SAMD8: variants seen among roughly 807,000 people sequenced by gnomAD.
SAMD8 encodes the protein sphingomyelin synthase-related protein 1.
A neutral mutation model predicts 42.0 loss-of-function variants in SAMD8; 20 were observed. That is an observed-to-expected ratio of 0.48 (90% CI 0.34 to 0.69). The LOEUF (loss-of-function observed/expected upper bound fraction) is 0.69. Ranked by LOEUF, SAMD8 falls within the 30% of genes least tolerant of loss-of-function variation. The pLI is 0.01. For synonymous variants in SAMD8, 162 were observed against 173.0 expected (o/e 0.94, Z 0.50); for missense variants, 328 against 511.6 (o/e 0.64, Z 3.46).
chr10:75,157,802 T>C (rs935516956), intron 2 of SAMD8, among the ~76,000 whole-genome samples: 8 of 152,074 alleles, frequency 5.3e-5, no homozygotes, highest in African/African-American at 1.7e-4. Context: ...TGCTAGGCAG[T>C]ACAATGAAGG....
At chr10:75,146,895 G>A (rs972537485) in intron 1 of SAMD8, among the ~76,000 whole-genome samples, 1 of 152,072 alleles carries the variant, frequency 6.6e-6, no homozygotes, top group Non-Finnish European at 1.5e-5. Context: ...CTTTCACAGG[G>A]TTAGCTAAGT....
intron 1 of SAMD8, among the ~76,000 whole-genome samples, chr10:75,139,382 C>T (rs970294613): frequency 1.3e-5 from 2 of 152,040 alleles, no homozygotes; most frequent in African/African-American, 4.8e-5. Flanking sequence ...TATTCCACTT[C>T]TAGAAATTTA....
chr10:75,153,455 A>C (rs60178694), intron 2 of SAMD8, among the ~76,000 whole-genome samples: 27,765 of 151,528 alleles, frequency 0.18, 2,795 homozygotes, highest in East Asian at 0.26. Context: ...TACTAAAAAT[A>C]CAAAAACTAG....
At chr10:75,104,725 TCA>T (rs1848387982) in intron 1 of SAMD8, among the ~76,000 whole-genome samples, 1 of 152,160 alleles carries the variant, frequency 6.6e-6, no homozygotes, top group Non-Finnish European at 1.5e-5. Flanking sequence ...AAGTTTCTTA[TCA>T]CAGTCACCCC....
At chr10:75,143,115 T>G (rs1840059464) in intron 1 of SAMD8, among the ~76,000 whole-genome samples, 1 of 152,160 alleles carries the variant, frequency 6.6e-6, no homozygotes, top group African/African-American at 2.4e-5. Context: ...AAGACCAGCC[T>G]GGCCAACATG....
In SAMD8 at chr10:75,162,350, CTG is replaced by C. The variant is rs1306080905; in HGVS notation, c.579-2291_579-2290del. On this transcript the variant is annotated intron_variant, in intron 2 of 5. Coordinates refer to ENST00000542569, the MANE Select transcript of SAMD8 (RefSeq NM_001174156.2). ...CTCCAGCCTGGGCGACAAAGCGAGA[CTG>C]TGTTTCAAAAAAGTGAGGCTGGGCA... Among the ~76,000 whole-genome samples, 16 of 148,084 alleles carry C rather than the reference CTG, an allele frequency of 1.1e-4. No homozygotes were observed. The East Asian group carries it at 3.1e-3, about 28-fold the overall frequency.
At chr10:75,167,478 G>C (rs1258643090) in intron 3 of SAMD8, among the ~76,000 whole-genome samples, 1 of 152,006 alleles carries the variant, frequency 6.6e-6, no homozygotes, top group Non-Finnish European at 1.5e-5. Flanking sequence ...TTCCTGCCTT[G>C]GTCTCCCAAA....
chr10:75,167,344 C>T (rs2132204332), intron 3 of SAMD8, among the ~76,000 whole-genome samples: 1 of 152,216 alleles, frequency 6.6e-6, no homozygotes, highest in Non-Finnish European at 1.5e-5. Flanking sequence ...GCATCCTTGA[C>T]CTCCTAGGCT....
chr10:75,152,756 C>T (rs550813208), intron 2 of SAMD8, among the ~76,000 whole-genome samples: 1 of 151,974 alleles, frequency 6.6e-6, no homozygotes, highest in East Asian at 1.9e-4. Flanking sequence ...GTCCTAACTA[C>T]TCAGGAGGCC....
chr10:75,152,709 A>G lies in SAMD8; in HGVS notation c.578+1603A>G, dbSNP rs532315655. On this transcript the variant is annotated intron_variant, in intron 2 of 5. Coordinates refer to ENST00000542569, the MANE Select transcript of SAMD8 (RefSeq NM_001174156.2). ...AGCAAGACCCCCATCTCTCCAAAAA[A>G]TTAAAAATTAGCCAAGCATGATGGC... Among the ~76,000 whole-genome samples the G allele has an allele frequency of 1.4e-4, 22 of 151,896 alleles. 1 individual carries two copies. In the South Asian group the frequency reaches 4.4e-3, roughly 30 times the overall value.
chr10:75,148,998 TTTTC>T, intron 1 of SAMD8, among the ~76,000 whole-genome samples: 1 of 152,268 alleles, frequency 6.6e-6, no homozygotes, highest in Non-Finnish European at 1.5e-5. Context: ...TTAGAACAGT[TTTTC>T]TTTTTTTCAA....
At position 75,181,564 on chromosome 10, in the gene SAMD8, T is replaced by A. The variant is rs1469339803; in HGVS notation, c.*4872T>A. On this transcript the variant is annotated 3_prime_UTR_variant, in exon 6 of 6. Coordinates refer to ENST00000542569, the MANE Select transcript of SAMD8 (RefSeq NM_001174156.2). ...CTGGTTTTTATAATACATTCTACCC[T>A]AAATTAACCAAAGGACTTTTTATTC... is the stretch of plus-strand genomic sequence containing the variant. 1 of 152,234 alleles carries A rather than the reference T, an allele frequency of 6.6e-6. No homozygotes were observed. Among genetic ancestry groups the A allele is most frequent in the Non-Finnish European group, 1.5e-5 (1 of 68,038 alleles). The allele number at this position is 152,234 out of a possible 1,614,324, so 9.4% of individuals were successfully genotyped here. A position where few individuals can be genotyped will look rare whatever the true frequency, so the allele number is the denominator to read the frequency against.
intron 1 of SAMD8, among the ~76,000 whole-genome samples, chr10:75,141,169 C>T (rs141335106): frequency 1.3e-5 from 2 of 152,062 alleles, no homozygotes; most frequent in East Asian, 3.9e-4. Flanking sequence ...ATAGCAAAAC[C>T]CTGTTTCTAC....
intron 1 of SAMD8, among the ~76,000 whole-genome samples, chr10:75,121,066 C>T (rs1431912131): frequency 6.6e-6 from 1 of 152,092 alleles, no homozygotes; most frequent in African/African-American, 2.4e-5. Flanking sequence ...CGGGAGCCAC[C>T]ACACCCGGAC....
At chr10:75,115,663 G>A (rs572981829) in intron 1 of SAMD8, among the ~76,000 whole-genome samples, 11 of 152,220 alleles carry the variant, frequency 7.2e-5, no homozygotes, top group Admixed American at 6.5e-4. Flanking sequence ...AACATACTGC[G>A]GGCACGGTGG....
chr10:75,154,078 G>C (rs186722465), intron 2 of SAMD8, among the ~76,000 whole-genome samples: 1 of 152,270 alleles, frequency 6.6e-6, no homozygotes, highest in Admixed American at 6.5e-5. Flanking sequence ...CTGTAGTAAA[G>C]AGTTTTTTGT....
chr10:75,122,069 CT>C (rs1849017112), intron 1 of SAMD8, among the ~76,000 whole-genome samples: 1 of 152,010 alleles, frequency 6.6e-6, no homozygotes, highest in Non-Finnish European at 1.5e-5. Context: ...CTTTCATTTT[CT>C]TTCTTTTTTC....
At chr10:75,132,426 T>A (rs540424861) in intron 1 of SAMD8, among the ~76,000 whole-genome samples, 1 of 152,284 alleles carries the variant, frequency 6.6e-6, no homozygotes, top group South Asian at 2.1e-4. Context: ...GCTTTTAGTC[T>A]CTCTTGGTTT....
intron 1 of SAMD8, among the ~76,000 whole-genome samples, chr10:75,146,439 C>A (rs1206110879): frequency 6.6e-6 from 1 of 152,012 alleles, no homozygotes; most frequent in East Asian, 1.9e-4. Context: ...CATCTGCCAC[C>A]ACACCTGGCT....
Sources: allele counts gnomAD v4.1 joint callset (sites outside exome capture counted in the v4.1 genomes callset), GRCh38; gene constraint gnomAD v4.1.1; transcripts MANE v1.5; gene names NCBI Gene and HGNC (gene_info 2026-07-23, HGNC 2026-07-21).